Variants in PEAK1 observed in about 807,000 individuals in gnomAD.
PEAK1 encodes the protein inactive tyrosine-protein kinase PEAK1.
A neutral mutation model predicts 124.7 loss-of-function variants in PEAK1; 54 were observed. That is an observed-to-expected ratio of 0.43 (90% CI 0.35 to 0.54). The LOEUF (loss-of-function observed/expected upper bound fraction) is 0.54. Among genes scored for constraint, PEAK1 ranks in the 20% least tolerant of loss-of-function variants. PEAK1 has a pLI of 0.01. For synonymous variants in PEAK1, 719 were observed against 760.0 expected, an observed-to-expected ratio of 0.95 and a Z score of 0.89; for missense variants, 2,046 against 2,134.5, an observed-to-expected ratio of 0.96 and a Z score of 0.82.
intron 2 of PEAK1, among the ~76,000 whole-genome samples, chr15:77,328,368 C>T (rs941116830): frequency 3.3e-5 from 5 of 152,128 alleles, no homozygotes; most frequent in African/African-American, 1.2e-4. Flanking sequence ...AAGGCCTCGA[C>T]TGAAGCTCTG....
At chr15:77,255,433 A>G (rs114304276) in intron 5 of PEAK1, 1 of 934,146 alleles carries the variant, frequency 1.1e-6, no homozygotes, top group African/African-American at 1.8e-5. Context: ...CCTGCATTAG[A>G]AAAGAAAGAA....
chr15:77,250,126 T>A (rs1336397669), intron 6 of PEAK1, among the ~76,000 whole-genome samples: 1 of 147,198 alleles, frequency 6.8e-6, no homozygotes, highest in African/African-American at 2.5e-5. Flanking sequence ...GATTTTTTTT[T>A]AAAGAAATCA....
At position 77,351,210 on chromosome 15, in the gene PEAK1, T is replaced by G. The variant is rs1338912064; in HGVS notation, c.-603+13953A>C. On this transcript the variant is annotated intron_variant, in intron 2 of 9. Transcript: ENST00000682557. ...AAGGCTTGTCAGACTACCTAATATT[T>G]AACTGAGTGTTAAAGGGTCAGTATA... Among the ~76,000 whole-genome samples the G allele has an allele frequency of 4.6e-5, 7 of 152,212 alleles. No individual in the cohort carries two copies. In the East Asian group the frequency reaches 1.3e-3, roughly 29 times the overall value.
rs56114827 is a variant in PEAK1 at position 77,181,423 on chromosome 15, A to G, written c.504T>C (p.Asn168=). The G allele has an allele frequency of 1.1e-3, 1,722 of 1,613,868 alleles. 1 individual carries two copies. The highest frequency in any genetic ancestry group is 1.4e-3 in the Non-Finnish European group (1,613 of 1,179,982). The change falls in exon 7 of 10, where the codon AAT becomes AAC. Residue 168 remains asparagine (N), a synonymous_variant. Transcript: ENST00000682557. ...GLDTAPQIRG[N]ETNSRETFLG... ...AGAATGTTTCTCTGGAGTTTGTTTC[A>G]TTTCCTCTTATCTGAGGGGCAGTAT...
intron 8 of PEAK1, among the ~76,000 whole-genome samples, chr15:77,137,818 G>C (rs1209006865): frequency 6.6e-6 from 1 of 152,142 alleles, no homozygotes; most frequent in Non-Finnish European, 1.5e-5. Flanking sequence ...GAGAACATGA[G>C]ATCTGGGAGG....
intron 2 of PEAK1, among the ~76,000 whole-genome samples, chr15:77,322,498 C>T (rs1294552719): frequency 4.6e-5 from 7 of 152,188 alleles, no homozygotes; most frequent in Non-Finnish European, 7.3e-5. Context: ...ATACTATAAA[C>T]ACCTCTATGC....
chr15:77,121,995 C>T lies in PEAK1; in HGVS notation c.4078-6676G>A, dbSNP rs538156327. On this transcript the variant is annotated intron_variant, in intron 9 of 9. Transcript: ENST00000682557. ...ATATCCAGTATTTGGTATAATCCCA[C>T]TCTAAGAATACAGGCTGATCAGTGA... Among the ~76,000 whole-genome samples, 6 of 152,324 alleles carry T rather than the reference C, an allele frequency of 3.9e-5. No individual in the cohort carries two copies. In the South Asian group the frequency reaches 1.0e-3, roughly 26 times the overall value.
At chr15:77,225,017 A>G (rs1035497390) in intron 6 of PEAK1, among the ~76,000 whole-genome samples, 1 of 151,952 alleles carries the variant, frequency 6.6e-6, no homozygotes, top group Admixed American at 6.6e-5. Flanking sequence ...TAATTTCATC[A>G]TGTGACTTGC....
chr15:77,278,757 A>C, intron 5 of PEAK1: 1 of 479,344 alleles, frequency 2.1e-6, no homozygotes, highest in East Asian at 5.4e-5. Flanking sequence ...ATTTTTGATA[A>C]CTGTGTACTT....
At chr15:77,116,428 C>A (rs959437084) in intron 9 of PEAK1, among the ~76,000 whole-genome samples, 4 of 151,932 alleles carry the variant, frequency 2.6e-5, no homozygotes, top group Admixed American at 6.6e-5. Flanking sequence ...TACAATAATA[C>A]AGAAAAGCAA....
intron 8 of PEAK1, among the ~76,000 whole-genome samples, chr15:77,134,637 T>G (rs2053160430): frequency 6.6e-6 from 1 of 152,252 alleles, no homozygotes; most frequent in South Asian, 2.1e-4. Flanking sequence ...GGGCTTATTG[T>G]ATAACAGAGA....
At chr15:77,396,213 G>C (rs1304165171) in intron 1 of PEAK1, among the ~76,000 whole-genome samples, 1 of 151,972 alleles carries the variant, frequency 6.6e-6, no homozygotes, top group African/African-American at 2.4e-5. Context: ...TAGCTAGATA[G>C]ATATTATATG....
chr15:77,380,339 A>G (rs898988125), intron 1 of PEAK1, among the ~76,000 whole-genome samples: 4 of 152,020 alleles, frequency 2.6e-5, no homozygotes, highest in Admixed American at 2.0e-4. Context: ...AAAAACAGCA[A>G]CTCTCTGAGT....
At chr15:77,302,866 T>C (rs754170501) in intron 2 of PEAK1, among the ~76,000 whole-genome samples, 1 of 152,212 alleles carries the variant, frequency 6.6e-6, no homozygotes, top group Non-Finnish European at 1.5e-5. Context: ...ATATTCATCA[T>C]CACAGTATCA....
At chr15:77,333,147 T>C in intron 2 of PEAK1, 1 of 943,348 alleles carries the variant, frequency 1.1e-6, no homozygotes, top group Non-Finnish European at 1.3e-6. Context: ...AAACACTTTA[T>C]TTATTTATTT....
chr15:77,188,232 G>C (rs1381997238), intron 6 of PEAK1, among the ~76,000 whole-genome samples: 1 of 152,090 alleles, frequency 6.6e-6, no homozygotes, highest in Non-Finnish European at 1.5e-5. Flanking sequence ...CTTAATTTTG[G>C]AAACTTAATG....
chr15:77,190,034 G>A (rs1332016798), intron 6 of PEAK1, among the ~76,000 whole-genome samples: 1 of 152,152 alleles, frequency 6.6e-6, no homozygotes, highest in East Asian at 1.9e-4. Context: ...AATGTTTATA[G>A]CCACATAATC....
chr15:77,247,595 G>A (rs184811164), intron 6 of PEAK1, among the ~76,000 whole-genome samples: 16 of 139,486 alleles, frequency 1.1e-4, no homozygotes, highest in African/African-American at 4.3e-4. Flanking sequence ...GCCTCAACAT[G>A]CCCCAGAGTA....
chr15:77,153,997 A>G (rs1367615365), intron 8 of PEAK1, among the ~76,000 whole-genome samples: 1 of 152,180 alleles, frequency 6.6e-6, no homozygotes, highest in Non-Finnish European at 1.5e-5. Context: ...GATGTCTATT[A>G]GGTCCACTTG....
Sources: gnomAD v4.1 joint callset for allele counts (sites outside exome capture counted in the v4.1 genomes callset) on GRCh38, gnomAD v4.1.1 for gene constraint, MANE v1.5 for transcripts, NCBI Gene and HGNC (gene_info 2026-07-23, HGNC 2026-07-21) for gene names.